POU1F1: variants seen among roughly 807,000 people sequenced by gnomAD.
POU1F1 encodes pituitary-specific positive transcription factor 1.
In POU1F1, 23 loss-of-function variants were observed where a neutral mutation model predicts 32.3. The observed-to-expected ratio is 0.71, with a 90% CI of 0.51 to 1.01. The LOEUF (loss-of-function observed/expected upper bound fraction) is 1.01. POU1F1 is among the 50% of genes least tolerant of loss of function. The probability of loss-of-function intolerance (pLI) is 0.00; values close to 1 mark genes in which losing one functional copy is unlikely to be tolerated. For missense variants in POU1F1, 323 were observed against 341.6 expected, an observed-to-expected ratio of 0.95 and a Z score of 0.43; for synonymous variants, 120 against 115.6, an observed-to-expected ratio of 1.04 and a Z score of -0.25.
chr3:87,265,017 A>T (rs1706590140), intron 2 of POU1F1, among the ~76,000 whole-genome samples: 1 of 152,130 alleles, frequency 6.6e-6, no homozygotes. Context: ...CAATATAAAA[A>T]CGCCCCACTA....
chr3:87,270,815 T>A (rs955719488), intron 2 of POU1F1, among the ~76,000 whole-genome samples: 3 of 152,132 alleles, frequency 2.0e-5, no homozygotes, highest in African/African-American at 7.2e-5. Flanking sequence ...ATTTTGTAAC[T>A]CAATTTATGC....
chr3:87,259,560 A>G lies in POU1F1; in HGVS notation c.*334T>C, dbSNP rs35445874. On this transcript the variant is annotated 3_prime_UTR_variant, in exon 6 of 6. Transcript: ENST00000350375. ...CTGACTTACATGTTAAAAAGCTAATATACATGTTTGGAAAAGGAACTTATA... is the reference window on the plus strand; with the variant it reads ...CTGACTTACATGTTAAAAAGCTAATGTACATGTTTGGAAAAGGAACTTATA... 0.035 allele frequency: 9,083 copies of G among 262,816 alleles called. 222 individuals carry two copies. The highest frequency in any genetic ancestry group is 0.049 in the Non-Finnish European group (6,628 of 136,394). The allele number at this position is 262,816 out of a possible 1,614,324, so 16.3% of individuals were successfully genotyped here. A position where few individuals can be genotyped will look rare whatever the true frequency, so the allele number is the denominator to read the frequency against.
At chr3:87,262,012 T>C (rs1265085498) in intron 4 of POU1F1, 59 bp downstream of exon 4, 3 of 1,593,874 alleles carry the variant, frequency 1.9e-6, no homozygotes, top group African/African-American at 1.3e-5. Flanking sequence ...ATCCTACTTA[T>C]TGAAGCCATT....
At chr3:87,268,750 G>T (rs929070314) in intron 2 of POU1F1, among the ~76,000 whole-genome samples, 1 of 152,180 alleles carries the variant, frequency 6.6e-6, no homozygotes, top group Non-Finnish European at 1.5e-5. Context: ...CACACACATA[G>T]CTCAGAAGTG....
chr3:87,268,617 C>T (rs971785320), intron 2 of POU1F1, among the ~76,000 whole-genome samples: 1 of 151,978 alleles, frequency 6.6e-6, no homozygotes, highest in Non-Finnish European at 1.5e-5. Flanking sequence ...CTTTTTAAAA[C>T]CCAGATTACT....
rs1166173800 is a variant in POU1F1 at position 87,264,109 on chromosome 3, C to CTT, written c.439+177_439+178dup. Among the ~76,000 whole-genome samples, 5 of 152,122 alleles carry CTT rather than the reference C, an allele frequency of 3.3e-5. No individual in the cohort carries two copies. In the East Asian group the frequency reaches 9.6e-4, roughly 29 times the overall value. ...AATTTAAAAATTATGTATTTAGGCT[C>CTT]TTAAGAAATTATAAGGAAACAAATG... On this transcript the variant is annotated intron_variant, in intron 3 of 5. Transcript: ENST00000350375.
At chr3:87,262,448 C>T (rs974053142) in intron 3 of POU1F1, among the ~76,000 whole-genome samples, 3 of 152,108 alleles carry the variant, frequency 2.0e-5, no homozygotes, top group Non-Finnish European at 4.4e-5. Flanking sequence ...TAATAAATTA[C>T]TTTTATCTAG....
At chr3:87,266,680 ACTTTT>A (rs1213662278) in intron 2 of POU1F1, among the ~76,000 whole-genome samples, 2 of 151,964 alleles carry the variant, frequency 1.3e-5, no homozygotes, top group South Asian at 2.1e-4. Flanking sequence ...AATTTTACCA[ACTTTT>A]CTTTTATTAT....
rs777263442 is a variant in POU1F1, at chr3:87,261,359, TACAAAC to T, written c.605-32_605-27del. ...CTATAATGTGGAAAAGAGAGATAAT[TACAAAC>T]ACAAAGTAGACTTTTTATAAAAAAC... On this transcript the variant is annotated intron_variant, in intron 4 of 5. Transcript: ENST00000350375. 13 of 1,525,230 alleles carry T rather than the reference TACAAAC, an allele frequency of 8.5e-6. 1 individual carries two copies. The South Asian group carries it at 1.3e-4, about 15-fold the overall frequency. 94.5% of individuals were successfully genotyped at this position (1,525,230 alleles called of 1,614,324 possible). A position where few individuals can be genotyped will look rare whatever the true frequency, so the allele number is the denominator to read the frequency against.
intron 2 of POU1F1, among the ~76,000 whole-genome samples, chr3:87,268,575 G>A (rs1706670384): frequency 1.3e-5 from 2 of 152,036 alleles, no homozygotes; most frequent in African/African-American, 4.8e-5. Flanking sequence ...AGAGTGATTG[G>A]GATGATATGT....
At chr3:87,270,638 G>A (rs1056499322) in intron 2 of POU1F1, among the ~76,000 whole-genome samples, 6 of 152,122 alleles carry the variant, frequency 3.9e-5, no homozygotes, top group African/African-American at 4.8e-5. Context: ...ATGTGACACC[G>A]TGTCGTTGTT....
intron 4 of POU1F1, among the ~76,000 whole-genome samples, chr3:87,261,767 G>C (rs1706518430): frequency 6.6e-6 from 1 of 151,952 alleles, no homozygotes; most frequent in Non-Finnish European, 1.5e-5. Flanking sequence ...AATTTCTCTA[G>C]TATAAAAGAG....
chr3:87,273,453 GC>G (rs2106940775), intron 1 of POU1F1, 35 bp from the exon 2 acceptor site: 2 of 1,611,244 alleles, frequency 1.2e-6, no homozygotes, highest in Non-Finnish European at 1.7e-6. Context: ...AGAAATGTGT[GC>G]ACAAACATTT....
chr3:87,260,148 G>T, intron 5 of POU1F1, 44 bp from the exon 6 acceptor site: 1 of 1,546,792 alleles, frequency 6.5e-7, no homozygotes, highest in Non-Finnish European at 8.9e-7. Context: ...GTTGTTTTTA[G>T]TGAAGTTTTT....
At chr3:87,269,118 C>G (rs549795396) in intron 2 of POU1F1, among the ~76,000 whole-genome samples, 1 of 152,218 alleles carries the variant, frequency 6.6e-6, no homozygotes, top group Admixed American at 6.5e-5. Context: ...TCCATATATT[C>G]CCCTCTGTTG....
Position 87,276,341 on chromosome 3 carries a change from G to T in POU1F1, c.122C>A (p.Ala41Asp). 2 of 1,613,952 alleles carry T rather than the reference G, an allele frequency of 1.2e-6. No homozygotes were observed. Among genetic ancestry groups the T allele is most frequent in the Non-Finnish European group, 1.7e-6 (2 of 1,179,870 alleles). ...AAECLPVSNH[A>D]TNVMSTATGL... ...AGTACCTGTAGACATCACATTGGTGGCATGGTTGGAGACTGGTAGACACTC... is the reference window on the plus strand; with the variant it reads ...AGTACCTGTAGACATCACATTGGTGTCATGGTTGGAGACTGGTAGACACTC... The change falls in exon 1 of 6, where the codon GCC becomes GAC. Residue 41 changes from alanine (A) to aspartate (D), a missense_variant. By Grantham distance (126) the Ala-to-Asp change is moderately radical. Transcript: ENST00000350375.
intron 5 of POU1F1, among the ~76,000 whole-genome samples, chr3:87,260,617 A>G (rs1706491323): frequency 6.6e-6 from 1 of 152,140 alleles, no homozygotes; most frequent in Non-Finnish European, 1.5e-5. Context: ...AAGAGACCGA[A>G]ACACTGATTA....
At chr3:87,272,142 C>T (rs1343242727) in intron 2 of POU1F1, among the ~76,000 whole-genome samples, 1 of 151,440 alleles carries the variant, frequency 6.6e-6, no homozygotes, top group Non-Finnish European at 1.5e-5. Context: ...AAAGATTTCC[C>T]TAATAAGTGA....
intron 1 of POU1F1, among the ~76,000 whole-genome samples, chr3:87,273,659 C>T (rs139779913): frequency 6.9e-4 from 105 of 152,234 alleles, no homozygotes; most frequent in East Asian, 1.9e-3. Context: ...TCTCATGTAA[C>T]GAGATAATAA....
Sources: allele counts gnomAD v4.1 joint callset (sites outside exome capture counted in the v4.1 genomes callset), GRCh38; gene constraint gnomAD v4.1.1; transcripts MANE v1.5; gene names NCBI Gene and HGNC (gene_info 2026-07-23, HGNC 2026-07-21).